CHST9: variants seen among roughly 807,000 people sequenced by gnomAD.
CHST9 encodes GalNAc-4-sulfotransferase 2.
CHST9 carries 41 observed loss-of-function variants against 44.4 expected under a neutral mutation model. The ratio of observed to expected loss-of-function variants is 0.92; its 90% CI spans 0.72 to 1.20. The LOEUF is 1.20. Among genes scored for constraint, CHST9 ranks in the 50% most tolerant of loss-of-function variants. CHST9 has a pLI of 0.00. For missense variants in CHST9, 504 were observed against 516.5 expected (o/e 0.98, Z 0.23); for synonymous variants, 171 against 178.4 (o/e 0.96, Z 0.33).
intron 3 of CHST9, among the ~76,000 whole-genome samples, chr18:27,024,723 G>A (rs2057265221): frequency 6.6e-6 from 1 of 152,186 alleles, no homozygotes; most frequent in South Asian, 2.1e-4. Context: ...GGATAAAAAA[G>A]AGGGCTCTGA....
In CHST9 at chr18:27,053,218, GGAAGAA is replaced by G. The variant is rs1198842599; in HGVS notation, c.122-4721_122-4716del. ...AGAAAGAACAAGAAGAGGAGGAAGA[GGAAGAA>G]GAAGAAGAAGAAGAAGAAGAAGAAG... is the stretch of plus-strand genomic sequence containing the variant. On this transcript the variant is annotated intron_variant, in intron 2 of 5. Transcript: ENST00000618847. 3.0e-3 allele frequency among the ~76,000 whole-genome samples: 98 copies of G among 32,354 alleles called. 2 individuals carry two copies. The highest frequency in any genetic ancestry group is 8.6e-3 in the African/African-American group (87 of 10,116). The allele number at this position is 32,354 out of a possible 152,430, so 21.2% of individuals were successfully genotyped here.
chr18:27,163,996 G>A (rs1167980362), intron 1 of CHST9, among the ~76,000 whole-genome samples: 1 of 152,140 alleles, frequency 6.6e-6, no homozygotes, highest in East Asian at 1.9e-4. Context: ...ATGGAATGCA[G>A]ACAAAGGAGT....
intron 2 of CHST9, among the ~76,000 whole-genome samples, chr18:27,096,495 T>C (rs2058118120): frequency 6.6e-6 from 1 of 151,976 alleles, no homozygotes; most frequent in African/African-American, 2.4e-5. Context: ...AACCAAAAGT[T>C]GGTTCTCTGA....
chr18:27,120,780 T>G (rs1374901823), intron 2 of CHST9, among the ~76,000 whole-genome samples: 3 of 152,190 alleles, frequency 2.0e-5, no homozygotes, highest in Non-Finnish European at 4.4e-5. Flanking sequence ...TCAGAGTTCA[T>G]GTAACATATT....
intron 1 of CHST9, among the ~76,000 whole-genome samples, chr18:27,152,418 T>C (rs955194669): frequency 2.0e-5 from 3 of 152,074 alleles, no homozygotes; most frequent in African/African-American, 7.2e-5. Flanking sequence ...TGTACACATT[T>C]GCATTAAAGA....
chr18:27,137,176 G>A (rs996672197), intron 2 of CHST9, among the ~76,000 whole-genome samples: 16 of 151,660 alleles, frequency 1.1e-4, no homozygotes, highest in African/African-American at 3.9e-4. Flanking sequence ...AAATGAATAA[G>A]AAGGAGAGAT....
intron 2 of CHST9, among the ~76,000 whole-genome samples, chr18:27,062,989 G>T (rs9955546): frequency 0.77 from 116,614 of 152,054 alleles, 44,831 homozygotes; most frequent in Non-Finnish European, 0.79. Flanking sequence ...CACCTGGTAG[G>T]TCTCTTGCCT....
At chr18:27,184,365 A>G (rs900645878) in intron 1 of CHST9, among the ~76,000 whole-genome samples, 4 of 152,202 alleles carry the variant, frequency 2.6e-5, no homozygotes, top group Non-Finnish European at 5.9e-5. Flanking sequence ...GACATCAACC[A>G]TAACACCTTC....
intron 1 of CHST9, among the ~76,000 whole-genome samples, chr18:27,159,915 G>A (rs936517968): frequency 3.9e-5 from 6 of 152,126 alleles, no homozygotes; most frequent in Non-Finnish European, 7.3e-5. Context: ...CTATTTGTCT[G>A]TTATTGGTGT....
rs542941993 is a variant in CHST9, at chr18:27,085,909, G to A, written c.122-37406C>T. On this transcript the variant is annotated intron_variant, in intron 2 of 5. Transcript: ENST00000618847. ...GTGGACTGGATAAAGAAAATGTGGT[G>A]TATATATAGCATGGAATACTACACA... is the stretch of plus-strand genomic sequence containing the variant. Among the ~76,000 whole-genome samples the A allele has an allele frequency of 2.5e-4, 38 of 152,218 alleles. 2 individuals carry two copies. Among genetic ancestry groups the A allele is most frequent in the African/African-American group, 8.9e-4 (37 of 41,550 alleles).
At chr18:26,922,218 C>T (rs1598556673) in intron 5 of CHST9, among the ~76,000 whole-genome samples, 1 of 152,140 alleles carries the variant, frequency 6.6e-6, no homozygotes, top group Non-Finnish European at 1.5e-5. Context: ...GGGCTCTTGG[C>T]AGCCCCAACT....
At chr18:27,144,607 G>T (rs1016034960) in intron 1 of CHST9, among the ~76,000 whole-genome samples, 24 of 152,102 alleles carry the variant, frequency 1.6e-4, no homozygotes, top group African/African-American at 5.8e-4. Context: ...AGGATCACTT[G>T]AGCCCAGAAT....
At chr18:27,139,828 A>C (rs955644306) in intron 2 of CHST9, among the ~76,000 whole-genome samples, 12 of 152,184 alleles carry the variant, frequency 7.9e-5, no homozygotes, top group Non-Finnish European at 1.5e-4. Flanking sequence ...ATTTTCCAAC[A>C]CTTGGGAAAA....
intron 2 of CHST9, among the ~76,000 whole-genome samples, chr18:27,122,313 G>A (rs1032140523): frequency 8.5e-5 from 13 of 152,146 alleles, no homozygotes; most frequent in Admixed American, 5.2e-4. Context: ...TAAAAATGCT[G>A]TTCTTACAAC....
At chr18:27,076,070 C>T (rs1416035123) in intron 2 of CHST9, among the ~76,000 whole-genome samples, 1 of 152,208 alleles carries the variant, frequency 6.6e-6, no homozygotes, top group African/African-American at 2.4e-5. Context: ...CGCTTCAAAG[C>T]ACATGGTATC....
At chr18:27,099,045 C>G (rs1003318483) in intron 2 of CHST9, among the ~76,000 whole-genome samples, 1 of 152,090 alleles carries the variant, frequency 6.6e-6, no homozygotes, top group African/African-American at 2.4e-5. Context: ...TGCATGCCTA[C>G]AGCCATCTGA....
intron 4 of CHST9, among the ~76,000 whole-genome samples, chr18:27,014,453 CAAAAAAAAAAAAAAAAAAAAAAA>C (rs57437876): frequency 1.3e-4 from 5 of 39,420 alleles, no homozygotes; most frequent in Non-Finnish European, 1.7e-4. Flanking sequence ...GACTCTGTCT[CAAAAAAAAAAAAAAAAAAAAAAA>C]AAAAAAAAAA....
At chr18:27,089,811 T>C (rs1016943701) in intron 2 of CHST9, among the ~76,000 whole-genome samples, 32 of 6,440 alleles carry the variant, frequency 5.0e-3, no homozygotes, top group Non-Finnish European at 8.0e-3. Context: ...GTTTCCTGAC[T>C]TTTTTTTTTT....
intron 5 of CHST9, among the ~76,000 whole-genome samples, chr18:26,925,184 G>A (rs1439559863): frequency 6.6e-6 from 1 of 152,180 alleles, no homozygotes; most frequent in Non-Finnish European, 1.5e-5. Context: ...TGGCTCGCAG[G>A]TGAGGGAGGG....
Sources: allele counts gnomAD v4.1 joint callset (sites outside exome capture counted in the v4.1 genomes callset), GRCh38; gene constraint gnomAD v4.1.1; transcripts MANE v1.5; gene names NCBI Gene and HGNC (gene_info 2026-07-23, HGNC 2026-07-21).